Variants in WIPF3 observed in about 807,000 individuals in gnomAD.
The protein encoded by WIPF3 is WAS/WASL-interacting protein family member 3.
In WIPF3, 33 loss-of-function variants were observed where a neutral mutation model predicts 38.9. The ratio of observed to expected loss-of-function variants is 0.85; its 90% confidence interval spans 0.64 to 1.14. WIPF3 has a LOEUF of 1.14. Ranked by LOEUF, WIPF3 falls within the 50% of genes most tolerant of loss-of-function variation. WIPF3 has a pLI of 0.00. For synonymous variants in WIPF3, 324 were observed against 269.3 expected (o/e 1.20, Z -1.99); for missense variants, 711 against 652.5 (o/e 1.09, Z -0.98).
chr7:29,872,798 CAAAAAA>C (rs61693654), intron 2 of WIPF3, among the ~76,000 whole-genome samples: 2 of 31,046 alleles, frequency 6.4e-5, no homozygotes, highest in South Asian at 2.7e-3. Flanking sequence ...GACTCCATCT[CAAAAAA>C]AAAAAAAAAA....
chr7:29,893,195 G>A (rs1257946432), intron 7 of WIPF3, among the ~76,000 whole-genome samples: 2 of 152,210 alleles, frequency 1.3e-5, no homozygotes, highest in African/African-American at 4.8e-5. Flanking sequence ...CATCCCAGGA[G>A]TGCCTGCCTT....
intron 2 of WIPF3, among the ~76,000 whole-genome samples, chr7:29,842,446 A>T (rs1427118345): frequency 4.6e-5 from 7 of 152,194 alleles, no homozygotes; most frequent in Non-Finnish European, 1.5e-5. Context: ...GATTACAGTG[A>T]GAGGCTTATC....
At chr7:29,890,769 C>G (rs1785992459) in intron 7 of WIPF3, among the ~76,000 whole-genome samples, 1 of 143,844 alleles carries the variant, frequency 7.0e-6, no homozygotes, top group African/African-American at 2.6e-5. Flanking sequence ...TCAGGCCTGC[C>G]CTGTGTTCAG....
intron 7 of WIPF3, among the ~76,000 whole-genome samples, chr7:29,903,901 G>T (rs889520261): frequency 2.6e-5 from 4 of 152,190 alleles, no homozygotes; most frequent in African/African-American, 9.7e-5. Flanking sequence ...ACACTTGAGA[G>T]AATGATTTGG....
rs139954899 is a variant in WIPF3 at position 29,915,332 on chromosome 7, C to G, written c.*816C>G. On this transcript the variant is annotated 3_prime_UTR_variant, in exon 9 of 9. Transcript: ENST00000242140. ...ATGAGATTTTGGTATTTCTTCCCTACAGATTAAAAACATACACAACTCATC... is the reference window on the plus strand; with the variant it reads ...ATGAGATTTTGGTATTTCTTCCCTAGAGATTAAAAACATACACAACTCATC... 1.7e-3 allele frequency: 259 copies of G among 152,240 alleles called. 1 individual carries two copies. The highest frequency in any genetic ancestry group is 5.8e-3 in the African/African-American group (239 of 41,510). 9.4% of individuals were successfully genotyped at this position (152,240 alleles called of 1,614,324 possible). A position where few individuals can be genotyped will look rare whatever the true frequency, so the allele number is the denominator to read the frequency against.
chr7:29,873,481 C>T (rs575948107), intron 2 of WIPF3, among the ~76,000 whole-genome samples: 7 of 152,070 alleles, frequency 4.6e-5, no homozygotes, highest in Non-Finnish European at 7.4e-5. Context: ...TTCTTTGGTC[C>T]CTTATTTCTG....
chr7:29,892,076 G>A (rs1786036074), intron 7 of WIPF3, among the ~76,000 whole-genome samples: 1 of 152,188 alleles, frequency 6.6e-6, no homozygotes, highest in South Asian at 2.1e-4. Flanking sequence ...ATATGCACAG[G>A]AATCAGCTCG....
intron 1 of WIPF3, among the ~76,000 whole-genome samples, chr7:29,825,433 A>G (rs951798046): frequency 1.3e-5 from 2 of 152,224 alleles, no homozygotes; most frequent in African/African-American, 4.8e-5. Flanking sequence ...TTTTAGAAGT[A>G]TAACTGTTAT....
intron 5 of WIPF3, among the ~76,000 whole-genome samples, chr7:29,885,431 T>C (rs1785855846): frequency 6.6e-6 from 1 of 152,240 alleles, no homozygotes. Context: ...CTTTGTCTTT[T>C]AGAAAATCTT....
chr7:29,873,224 G>T (rs925196758), intron 2 of WIPF3, among the ~76,000 whole-genome samples: 4 of 152,122 alleles, frequency 2.6e-5, no homozygotes, highest in Non-Finnish European at 5.9e-5. Flanking sequence ...GAGGGATGGG[G>T]TTTTCTCATC....
chr7:29,867,989 G>T (rs1382755264), intron 2 of WIPF3, among the ~76,000 whole-genome samples: 1 of 151,896 alleles, frequency 6.6e-6, no homozygotes, highest in Non-Finnish European at 1.5e-5. Context: ...TAGTTTTTGT[G>T]CTCAAAAATA....
intron 7 of WIPF3, among the ~76,000 whole-genome samples, chr7:29,891,270 C>T (rs1176135728): frequency 1.5e-5 from 2 of 134,006 alleles, no homozygotes; most frequent in Non-Finnish European, 3.2e-5. Flanking sequence ...GTGGAGGGGG[C>T]GAGGGCCTGC....
chr7:29,837,532 A>G (rs1214054730), intron 2 of WIPF3, among the ~76,000 whole-genome samples: 1 of 152,230 alleles, frequency 6.6e-6, no homozygotes, highest in Non-Finnish European at 1.5e-5. Context: ...AATAAAAATA[A>G]TTGTACATTT....
intron 1 of WIPF3, among the ~76,000 whole-genome samples, chr7:29,811,290 G>GATA (rs996211228): frequency 1.3e-5 from 2 of 149,086 alleles, no homozygotes; most frequent in Admixed American, 6.7e-5. Flanking sequence ...TGATGATGAT[G>GATA]ATCTGATGCT....
chr7:29,872,886 A>T (rs945283657), intron 2 of WIPF3, among the ~76,000 whole-genome samples: 3 of 149,186 alleles, frequency 2.0e-5, no homozygotes, highest in Admixed American at 6.7e-5. Flanking sequence ...CCGACACTGG[A>T]GCAGAAGACA....
intron 1 of WIPF3, among the ~76,000 whole-genome samples, chr7:29,834,044 A>T (rs186920866): frequency 1.3e-5 from 2 of 152,288 alleles, no homozygotes; most frequent in South Asian, 4.2e-4. Context: ...CAAATACCAG[A>T]TAGAAAGTCT....
At chr7:29,839,614 A>G (rs1459073253) in intron 2 of WIPF3, among the ~76,000 whole-genome samples, 2 of 152,194 alleles carry the variant, frequency 1.3e-5, no homozygotes, top group Non-Finnish European at 2.9e-5. Flanking sequence ...TCTGCAACAG[A>G]GGCTGGCAAA....
rs1784964974 is a variant in WIPF3, at chr7:29,844,271, G to T, written c.90+9457G>T. Among the ~76,000 whole-genome samples, 1 of 152,132 alleles carries T rather than the reference G, an allele frequency of 6.6e-6. No homozygotes were observed. Among genetic ancestry groups the T allele is most frequent in the African/African-American group, 2.4e-5 (1 of 41,440 alleles). ...CCTCAGATGTCTACATGGAACATTT[G>T]TTTCTTTTATAATTAGAAGAAAAGG... On this transcript the variant is annotated intron_variant, in intron 2 of 8. Coordinates refer to ENST00000242140, the MANE Select transcript of WIPF3 (RefSeq NM_001080529.3). This position sits in a 1 kb window ranked among gnomAD's most constrained non-coding sequence, Gnocchi z 4.8.
chr7:29,838,311 A>T (rs1341423335), intron 2 of WIPF3, among the ~76,000 whole-genome samples: 3 of 152,204 alleles, frequency 2.0e-5, no homozygotes, highest in African/African-American at 4.8e-5. Flanking sequence ...GCCCTAAGAT[A>T]CAATTTGTCA....
Sources: allele counts gnomAD v4.1 joint callset (sites outside exome capture counted in the v4.1 genomes callset), GRCh38; gene constraint gnomAD v4.1.1; non-coding constraint Gnocchi (gnomAD v3.1); transcripts MANE v1.5; gene names NCBI Gene and HGNC (gene_info 2026-07-23, HGNC 2026-07-21).